The following GAL3ST2 variants were observed in gnomAD, a reference collection of about 807,000 sequenced individuals.
GAL3ST2 encodes the protein beta-galactose-3-O-sulfotransferase 2.
Under a neutral mutation model 12.9 loss-of-function variants are expected in GAL3ST2, and 16 were observed. The ratio of observed to expected loss-of-function variants is 1.24; its 90% confidence interval spans 0.84 to 1.88. GAL3ST2 has a LOEUF of 1.88. Among genes scored for constraint, GAL3ST2 ranks in the 40% most tolerant of loss-of-function variants. GAL3ST2 has a pLI of 0.00. For missense variants in GAL3ST2, 639 were observed against 571.8 expected, an observed-to-expected ratio of 1.12 and a Z score of -1.20; for synonymous variants, 302 against 273.9, an observed-to-expected ratio of 1.10 and a Z score of -1.01.
Position 241,802,184 on chromosome 2 carries a change from C to A in GAL3ST2, c.375+148C>A. 2 of 1,074,152 alleles carry A rather than the reference C, an allele frequency of 1.9e-6. No individual in the cohort carries two copies. Among genetic ancestry groups the A allele is most frequent in the Non-Finnish European group, 1.3e-6 (1 of 766,982 alleles). 66.5% of individuals were successfully genotyped at this position (1,074,152 alleles called of 1,614,324 possible). On this transcript the variant is annotated intron_variant, in intron 3 of 3. Transcript: ENST00000192314. This position sits in a 1 kb window ranked among gnomAD's most constrained non-coding sequence, Gnocchi z 4.8. Reference sequence around the variant, plus strand: ...GCGGGTTGGGAGGGCCTGGGCCGCACGCCCTGCTGAGCCAACCCCTGCCCC... The same window carrying A: ...GCGGGTTGGGAGGGCCTGGGCCGCAAGCCCTGCTGAGCCAACCCCTGCCCC...
chr2:241,781,920 C>T (rs1559412415), intron 1 of GAL3ST2, among the ~76,000 whole-genome samples: 1 of 152,210 alleles, frequency 6.6e-6, no homozygotes, highest in Non-Finnish European at 1.5e-5. Flanking sequence ...GGTGGTAACT[C>T]AAGGATTTCA....
At chr2:241,778,266 C>T (rs1220234541) in intron 1 of GAL3ST2, among the ~76,000 whole-genome samples, 2 of 152,218 alleles carry the variant, frequency 1.3e-5, no homozygotes, top group African/African-American at 4.8e-5. Flanking sequence ...AAATCAACAG[C>T]CCTGGGGACA....
At chr2:241,798,356 A>C (rs1699800116) in intron 1 of GAL3ST2, among the ~76,000 whole-genome samples, 1 of 152,206 alleles carries the variant, frequency 6.6e-6, no homozygotes, top group African/African-American at 2.4e-5. Flanking sequence ...ACCGTTCTGG[A>C]GGCCGGAAGG....
Position 241,804,061 on chromosome 2 carries a change from C to A in GAL3ST2, c.1092C>A (p.Gly364=). The change falls in exon 4 of 4, where the codon GGC becomes GGA. Residue 364 remains glycine, a synonymous_variant. Coordinates refer to ENST00000192314, the MANE Select transcript of GAL3ST2 (RefSeq NM_022134.3). ...LRPGLDNQTL[G]VCQRLVMPEL... ...CGGGCCTGGACAACCAGACGCTGGG[C>A]GTGTGCCAGAGGCTTGTGATGCCTG... The A allele has an allele frequency of 6.4e-7, 1 of 1,554,652 alleles. No homozygotes were observed. Among genetic ancestry groups the A allele is most frequent in the Admixed American group, 1.9e-5 (1 of 52,578 alleles).
In GAL3ST2 at chr2:241,782,691, A is replaced by G. The variant is rs1445217491; in HGVS notation, c.29+5707A>G. On this transcript the variant is annotated intron_variant, in intron 1 of 3. Transcript: ENST00000192314. ...AATAATGCAGTTTATTTTGATTGGCATCTTCTACTGGGGCTTTAATTGCTG... is the reference window on the plus strand; with the variant it reads ...AATAATGCAGTTTATTTTGATTGGCGTCTTCTACTGGGGCTTTAATTGCTG... Among the ~76,000 whole-genome samples the G allele has an allele frequency of 3.3e-5, 5 of 152,172 alleles. No homozygotes were observed. The East Asian group carries it at 7.7e-4, about 23-fold the overall frequency.
intron 1 of GAL3ST2, among the ~76,000 whole-genome samples, chr2:241,792,961 C>T (rs1699711295): frequency 6.6e-6 from 1 of 152,184 alleles, no homozygotes; most frequent in South Asian, 2.1e-4. Flanking sequence ...CTGCCTGTGA[C>T]CTGGAAGTCC....
Position 241,801,741 on chromosome 2 carries a change from C to G in GAL3ST2, c.120-40C>G, listed in dbSNP as rs1326014027. 6.3e-7 allele frequency: 1 copy of G among 1,595,850 alleles called. No homozygotes were observed. On this transcript the variant is annotated intron_variant, in intron 2 of 3. Transcript: ENST00000192314. The surrounding 1 kb of genome is among the most constrained non-coding windows in gnomAD (Gnocchi z 4.4). ...CGCTGTTGGGCGGGGGTTGGGGCAT[C>G]TGCACCCTTGCTGAAGGCTGCGTGT...
At chr2:241,798,515 G>T (rs114504924) in intron 1 of GAL3ST2, among the ~76,000 whole-genome samples, 1 of 152,120 alleles carries the variant, frequency 6.6e-6, no homozygotes, top group Non-Finnish European at 1.5e-5. Context: ...AGAAGGACAC[G>T]AATCCCATTA....
intron 2 of GAL3ST2, among the ~76,000 whole-genome samples, chr2:241,799,553 C>G (rs1033822456): frequency 1.3e-4 from 20 of 152,216 alleles, no homozygotes; most frequent in African/African-American, 4.8e-4. Context: ...ACCTGGGACC[C>G]TCTCCCCTGC....
intron 1 of GAL3ST2, among the ~76,000 whole-genome samples, chr2:241,790,119 C>T (rs973816613): frequency 2.6e-5 from 4 of 152,092 alleles, no homozygotes; most frequent in African/African-American, 4.8e-5. Context: ...CATCCACGGA[C>T]ATTTGTTGTC....
Position 241,803,490 on chromosome 2 carries a change from C to G in GAL3ST2, c.521C>G (p.Pro174Arg), listed in dbSNP as rs143165919. The change falls in exon 4 of 4, where the codon CCG (proline) becomes CGG (arginine). Residue 174 changes from proline to arginine, a missense_variant. Physicochemically the swap from Pro to Arg is moderately radical, Grantham distance 103. Coordinates refer to ENST00000192314, the MANE Select transcript of GAL3ST2 (RefSeq NM_022134.3). ...APSLDAFLASPRTFYNDSRHL... is the reference protein window; with the variant it reads ...APSLDAFLASRRTFYNDSRHL... ...AGCCTGGACGCGTTCCTGGCCTCGC[C>G]GCGGACGTTCTACAACGACAGCCGC... 85 of 1,611,512 alleles carry G rather than the reference C, an allele frequency of 5.3e-5. No homozygotes were observed. The highest frequency in any genetic ancestry group is 2.9e-4 in the South Asian group (26 of 90,778).
Position 241,803,937 on chromosome 2 carries a change from A to C in GAL3ST2, c.968A>C (p.Gln323Pro). ...RRRELASLCL[Q>P]DGGALKNHTQ... ...CGCGAACTCGCGAGCCTGTGCCTGC[A>C]GGACGGCGGCGCGCTCAAGAACCAC... is the stretch of plus-strand genomic sequence containing the variant. Residue 323 changes from glutamine (Q) to proline (P), a missense_variant, in exon 4 of 4, where the codon CAG becomes CCG. Gln to Pro is a moderately conservative substitution (Grantham distance 76, BLOSUM62 -1). Coordinates refer to ENST00000192314, the MANE Select transcript of GAL3ST2 (RefSeq NM_022134.3). The C allele has an allele frequency of 4.8e-6, 7 of 1,455,848 alleles. No individual in the cohort carries two copies. Among genetic ancestry groups the C allele is most frequent in the African/African-American group, 1.5e-5 (1 of 67,410 alleles). 90.2% of individuals were successfully genotyped at this position (1,455,848 alleles called of 1,614,324 possible). A position where few individuals can be genotyped will look rare whatever the true frequency, so the allele number is the denominator to read the frequency against.
At chr2:241,780,924 G>T (rs1333471907) in intron 1 of GAL3ST2, among the ~76,000 whole-genome samples, 1 of 152,206 alleles carries the variant, frequency 6.6e-6, no homozygotes, top group Non-Finnish European at 1.5e-5. Context: ...TTTCCAAGGG[G>T]CATTTATTGG....
chr2:241,783,424 T>C (rs1344650822), intron 1 of GAL3ST2, among the ~76,000 whole-genome samples: 1 of 152,098 alleles, frequency 6.6e-6, no homozygotes, highest in Non-Finnish European at 1.5e-5. Context: ...TAAGCTTTCT[T>C]ACCAAAAAAT....
rs1699835174 is a variant in GAL3ST2, at chr2:241,800,928, A to G, written c.120-853A>G. The stretch of plus-strand genomic sequence containing the variant: ...TGGCCACAGTCAGTTCTGCTGGGCC[A>G]TGGTCTCCTTTTATTTTTTAATTTT... On this transcript the variant is annotated intron_variant, in intron 2 of 3. Coordinates refer to ENST00000192314, the MANE Select transcript of GAL3ST2 (RefSeq NM_022134.3). This position sits in a 1 kb window ranked among gnomAD's most constrained non-coding sequence, Gnocchi z 5.2. The G allele has an allele frequency of 6.6e-6, 1 of 152,208 alleles. No homozygotes were observed. Among genetic ancestry groups the G allele is most frequent in the African/African-American group, 2.4e-5 (1 of 41,444 alleles). The allele number at this position is 152,208 out of a possible 1,614,324, so 9.4% of individuals were successfully genotyped here. A position where few individuals can be genotyped will look rare whatever the true frequency, so the allele number is the denominator to read the frequency against.
In GAL3ST2 at chr2:241,804,238, G is replaced by A. The variant is rs1172651866; in HGVS notation, c.*72G>A. On this transcript the variant is annotated 3_prime_UTR_variant, in exon 4 of 4. Transcript: ENST00000192314. The stretch of plus-strand genomic sequence containing the variant: ...CTCCGCCGTCACCGGGGAGGCCGGG[G>A]ATCCTTGCAGGGCTTCTGGGGCGTT... 1 of 1,277,858 alleles carries A rather than the reference G, an allele frequency of 7.8e-7. No individual in the cohort carries two copies. Among genetic ancestry groups the A allele is most frequent in the Non-Finnish European group, 1.0e-6 (1 of 975,872 alleles). 79.2% of individuals were successfully genotyped at this position (1,277,858 alleles called of 1,614,324 possible).
intron 2 of GAL3ST2, among the ~76,000 whole-genome samples, chr2:241,799,936 C>T (rs1699820673): frequency 1.3e-5 from 2 of 152,220 alleles, no homozygotes; most frequent in South Asian, 4.1e-4. Flanking sequence ...GTGGGCCCAG[C>T]CCTACATCTG....
At chr2:241,799,258 T>TCCCTCTGGAAGAGGAGGGGTGGATGGG (rs1307479228) in intron 2 of GAL3ST2, 104 bp downstream of exon 2, 3 of 1,024,014 alleles carry the variant, frequency 2.9e-6, no homozygotes, top group Non-Finnish European at 4.6e-6. Flanking sequence ...TGGGCCTGTC[T>TCCCTCTGGAAGAGGAGGGGTGGATGGG]CCCTCTGGAA....
intron 1 of GAL3ST2, among the ~76,000 whole-genome samples, chr2:241,794,066 C>T (rs551160873): frequency 2.0e-5 from 3 of 152,202 alleles, no homozygotes; most frequent in Admixed American, 2.0e-4. Context: ...CCTGCATCAG[C>T]CTCTTAAGTA....
Sources: gnomAD v4.1 joint callset for allele counts (sites outside exome capture counted in the v4.1 genomes callset) on GRCh38, gnomAD v4.1.1 for gene constraint, Gnocchi (gnomAD v3.1) non-coding constraint, MANE v1.5 for transcripts, NCBI Gene and HGNC (gene_info 2026-07-23, HGNC 2026-07-21) for gene names.